HDDC2: variants seen among roughly 807,000 people sequenced by gnomAD.
HDDC2 encodes the protein 5'-deoxynucleotidase HDDC2.
A neutral mutation model predicts 25.5 loss-of-function variants in HDDC2; 25 were observed. The ratio of observed to expected loss-of-function variants is 0.98; its 90% CI spans 0.72 to 1.37. The LOEUF (loss-of-function observed/expected upper bound fraction) is 1.37, where lower values mean the gene tolerates loss of function less well. Ranked by LOEUF, HDDC2 falls within the 40% of genes most tolerant of loss-of-function variation. The pLI is 0.00. For synonymous variants in HDDC2, 106 were observed against 89.7 expected, an observed-to-expected ratio of 1.18 and a Z score of -1.03; for missense variants, 264 against 253.1, an observed-to-expected ratio of 1.04 and a Z score of -0.29.
intron 4 of HDDC2, among the ~76,000 whole-genome samples, chr6:125,283,404 T>C (rs1206403968): frequency 6.6e-6 from 1 of 152,228 alleles, no homozygotes; most frequent in Non-Finnish European, 1.5e-5. Flanking sequence ...CATGATTATA[T>C]ATTTAGAAAA....
intron 1 of HDDC2, among the ~76,000 whole-genome samples, chr6:125,301,442 T>TACACACACACACACACACACACAC (rs3039619): frequency 5.0e-4 from 72 of 145,176 alleles, no homozygotes; most frequent in South Asian, 2.2e-3. Flanking sequence ...AGCCGCGCTT[T>TACACACACACACACACACACACAC]ACACACACAC....
chr6:125,298,480 T>A (rs776891491), intron 3 of HDDC2, among the ~76,000 whole-genome samples: 2 of 152,320 alleles, frequency 1.3e-5, no homozygotes, highest in East Asian at 3.9e-4. Flanking sequence ...ATCTATTATA[T>A]CCTAAACTGT....
intron 4 of HDDC2, among the ~76,000 whole-genome samples, chr6:125,290,329 A>G (rs1798611076): frequency 6.6e-6 from 1 of 152,210 alleles, no homozygotes; most frequent in Non-Finnish European, 1.5e-5. Context: ...TGAGGCACAG[A>G]GAGATTAATT....
rs1562445801 is a variant in HDDC2, at chr6:125,292,849, G to GTATATATGGTAC, written c.369_370insGTACCATATATA (p.Glu123_Leu124insValProTyrIle). 1.2e-6 allele frequency: 2 copies of GTATATATGGTAC among 1,611,752 alleles called. No individual in the cohort carries two copies. Among genetic ancestry groups the GTATATATGGTAC allele is most frequent in the Admixed American group, 3.3e-5 (2 of 60,004 alleles). Reference sequence around the variant, plus strand: ...GTACCATATATACTTACTTCCCAAAGTTCATAGAGCTCCTTTCTGAGGTCC... The same window carrying GTATATATGGTAC: ...GTACCATATATACTTACTTCCCAAAGTATATATGGTACTTCATAGAGCTCCTTTCTGAGGTCC... On this transcript the variant is annotated inframe_insertion, in exon 4 of 6. Coordinates refer to ENST00000398153, the MANE Select transcript of HDDC2 (RefSeq NM_016063.3).
At chr6:125,301,787 A>G in intron 1 of HDDC2, 62 bp downstream of exon 1, 4 of 1,249,786 alleles carry the variant, frequency 3.2e-6, no homozygotes, top group Non-Finnish European at 4.4e-6. Flanking sequence ...GGAGGCCGGA[A>G]GCTCCGCCGC....
intron 2 of HDDC2, 28 bp from the exon 3 acceptor site, chr6:125,298,844 T>TCTGTGTAATTATTCG: frequency 6.8e-7 from 1 of 1,467,084 alleles, no homozygotes; most frequent in Non-Finnish European, 9.5e-7. Flanking sequence ...GTCGAATAAT[T>TCTGTGTAATTATTCG]ACACAGAATT....
chr6:125,289,303 G>A (rs1456146604), intron 4 of HDDC2, among the ~76,000 whole-genome samples: 2 of 124,544 alleles, frequency 1.6e-5, no homozygotes, highest in Admixed American at 8.0e-5. Flanking sequence ...GACACAGGAA[G>A]GGGAATATCA....
At chr6:125,276,459 G>C in intron 5 of HDDC2, 1 of 550,684 alleles carries the variant, frequency 1.8e-6, no homozygotes, top group East Asian at 3.0e-5. Context: ...TGAGAATAAG[G>C]ATGAGACTCA....
chr6:125,297,518 C>T (rs186355722), intron 3 of HDDC2: 151 of 399,376 alleles, frequency 3.8e-4, no homozygotes, highest in African/African-American at 2.6e-3. Context: ...CTACTGAGCC[C>T]GTTAGTCTAC....
At chr6:125,286,241 T>A (rs549454167) in intron 4 of HDDC2, among the ~76,000 whole-genome samples, 1 of 152,184 alleles carries the variant, frequency 6.6e-6, no homozygotes, top group African/African-American at 2.4e-5. Flanking sequence ...TATGGTTACT[T>A]GTAGAAGTAA....
rs77964262 is a variant in HDDC2 at position 125,292,599 on chromosome 6, C to T, written c.378+242G>A. 5.4e-3 allele frequency among the ~76,000 whole-genome samples: 818 copies of T among 152,228 alleles called. 4 individuals carry two copies. Among genetic ancestry groups the T allele is most frequent in the Middle Eastern group, 6.8e-3 (2 of 294 alleles). On this transcript the variant is annotated intron_variant, in intron 4 of 5. Coordinates refer to ENST00000398153, the MANE Select transcript of HDDC2 (RefSeq NM_016063.3). ...GTGGGTGTGGGCAAAGCAGCAAGAA[C>T]TCAAGGGCTGAGTCAAGTGCCAGGA... is the stretch of plus-strand genomic sequence containing the variant.
intron 4 of HDDC2, among the ~76,000 whole-genome samples, chr6:125,286,257 A>C (rs1341647588): frequency 1.3e-5 from 2 of 152,236 alleles, no homozygotes; most frequent in East Asian, 3.8e-4. Context: ...AGTAAAACCA[A>C]ATGCAGTTAA....
At chr6:125,301,482 G>GCACACACACGCGCGCACACACACACACA (rs1412473241) in intron 1 of HDDC2, among the ~76,000 whole-genome samples, 15 of 120,344 alleles carry the variant, frequency 1.2e-4, no homozygotes, top group African/African-American at 5.1e-4. Flanking sequence ...GGGGTCGTGA[G>GCACACACACGCGCGCACACACACACACA]CACACACACA....
intron 4 of HDDC2, among the ~76,000 whole-genome samples, chr6:125,285,643 T>C (rs1407091864): frequency 6.6e-6 from 1 of 151,052 alleles, no homozygotes; most frequent in African/African-American, 2.4e-5. Flanking sequence ...AACCTTAAAA[T>C]TAAATTAAAA....
intron 4 of HDDC2, among the ~76,000 whole-genome samples, chr6:125,287,079 C>T (rs1286438523): frequency 1.3e-5 from 2 of 152,180 alleles, no homozygotes; most frequent in East Asian, 1.9e-4. Context: ...GTGACCTGCA[C>T]CACAAGTGTG....
At chr6:125,276,828 G>C (rs1314430220) in intron 5 of HDDC2, 1 of 441,602 alleles carries the variant, frequency 2.3e-6, no homozygotes, top group Non-Finnish European at 4.1e-6. Context: ...ATGACGGCTA[G>C]CATGGGGGAC....
At chr6:125,296,279 A>C (rs1365257625) in intron 3 of HDDC2, among the ~76,000 whole-genome samples, 1 of 152,180 alleles carries the variant, frequency 6.6e-6, no homozygotes, top group African/African-American at 2.4e-5. Flanking sequence ...TTTTATCTTC[A>C]GCATCTGCAG....
chr6:125,281,496 G>C (rs1218088673), intron 4 of HDDC2, among the ~76,000 whole-genome samples: 5 of 152,094 alleles, frequency 3.3e-5, no homozygotes, highest in Non-Finnish European at 7.4e-5. Context: ...AGAATAAACA[G>C]TTTAGAAAAG....
In HDDC2 at chr6:125,292,840, C is replaced by G; in HGVS notation, c.378+1G>C. 6.2e-7 allele frequency: 1 copy of G among 1,608,850 alleles called. No individual in the cohort carries two copies. Among genetic ancestry groups the G allele is most frequent in the Non-Finnish European group, 8.5e-7 (1 of 1,175,992 alleles). ...AACAGTAACGTACCATATATACTTA[C>G]TTCCCAAAGTTCATAGAGCTCCTTT... On this transcript the variant is annotated splice_donor_variant, in intron 4 of 5. Coordinates refer to ENST00000398153, the MANE Select transcript of HDDC2 (RefSeq NM_016063.3). LOFTEE classifies it high-confidence loss of function.
Sources: allele counts gnomAD v4.1 joint callset (sites outside exome capture counted in the v4.1 genomes callset), GRCh38; gene constraint gnomAD v4.1.1; transcripts MANE v1.5; gene names NCBI Gene and HGNC (gene_info 2026-07-23, HGNC 2026-07-21).